SLC26A6: variants seen among roughly 807,000 people sequenced by gnomAD.
The protein encoded by SLC26A6 is anion exchange transporter.
In SLC26A6, 67 loss-of-function variants were observed where a neutral mutation model predicts 87.1. The observed-to-expected ratio is 0.77, with a 90% CI of 0.63 to 0.94. The LOEUF is 0.94. Ranked by LOEUF, SLC26A6 falls within the 40% of genes least tolerant of loss-of-function variation. The probability of loss-of-function intolerance (pLI) is 0.00; values close to 1 mark genes in which losing one functional copy is unlikely to be tolerated. For missense variants in SLC26A6, 902 were observed against 973.0 expected, an observed-to-expected ratio of 0.93 and a Z score of 0.97; for synonymous variants, 414 against 405.9, an observed-to-expected ratio of 1.02 and a Z score of -0.24.
Position 48,627,950 on chromosome 3 carries a change from A to G in SLC26A6, c.1889T>C (p.Met630Thr). 1 of 1,586,806 alleles carries G rather than the reference A, an allele frequency of 6.3e-7. No individual in the cohort carries two copies. The highest frequency in any genetic ancestry group is 8.5e-7 in the Non-Finnish European group (1 of 1,171,354). Residue 630 changes from methionine to threonine, a missense_variant, in exon 17 of 21, where the codon ATG becomes ACG. Met to Thr is a moderately conservative substitution (Grantham distance 81). Around this residue, in one of 3 missense-constraint regions of SLC26A6, gnomAD observed 800 missense variants for 856.8 expected, o/e 0.93. Coordinates refer to ENST00000395550, the MANE Select transcript of SLC26A6 (RefSeq NM_022911.3). Reference sequence around the variant, plus strand: ...CTTTCCCACCTCCAGTCTCACCATCATCTTGCAGTCCTCAACGTTGTTGCT... The same window carrying G: ...CTTTCCCACCTCCAGTCTCACCATCGTCTTGCAGTCCTCAACGTTGTTGCT... ...MRSNNVEDCK[M>T]MQVSSGDKME... is the part of the protein sequence containing the mutation.
intron 14 of SLC26A6, among the ~76,000 whole-genome samples, chr3:48,629,035 A>T (rs568415438): frequency 6.6e-6 from 1 of 152,100 alleles, no homozygotes; most frequent in Non-Finnish European, 1.5e-5. Flanking sequence ...CTAGGCTGTC[A>T]TATCAATCAG....
Position 48,629,694 on chromosome 3 carries a change from A to G in SLC26A6, c.1547T>C (p.Leu516Pro). 6.2e-7 allele frequency: 1 copy of G among 1,613,566 alleles called. No homozygotes were observed. Among genetic ancestry groups the G allele is most frequent in the Non-Finnish European group, 8.5e-7 (1 of 1,179,732 alleles). The change falls in exon 14 of 21, where the codon CTG becomes CCG. Residue 516 changes from leucine to proline, a missense_variant. Coordinates refer to ENST00000395550, the MANE Select transcript of SLC26A6 (RefSeq NM_022911.3). ...AATATCCGTGTCTGGCACCTGCCCC[A>G]GGACAGAGTAGTGGGGCCTGTGAAG... ...VRTQMPHYSV[L>P]GQVPDTDIYR...
At position 48,625,932 on chromosome 3, in the gene SLC26A6, C is replaced by T; in HGVS notation, c.*54G>A. 1 of 1,612,846 alleles carries T rather than the reference C, an allele frequency of 6.2e-7. No homozygotes were observed. The highest frequency in any genetic ancestry group is 8.5e-7 in the Non-Finnish European group (1 of 1,179,662). On this transcript the variant is annotated 3_prime_UTR_variant, in exon 21 of 21. Coordinates refer to ENST00000395550, the MANE Select transcript of SLC26A6 (RefSeq NM_022911.3). This position sits in a 1 kb window ranked among gnomAD's most constrained non-coding sequence, Gnocchi z 4.7. Reference sequence around the variant, plus strand: ...GAGGCGGCCTAGGGGTGAGGGGCTTCTCAAGGGTGCCCTGCACCTCCAGAG... The same window carrying T: ...GAGGCGGCCTAGGGGTGAGGGGCTTTTCAAGGGTGCCCTGCACCTCCAGAG...
Position 48,632,991 on chromosome 3 carries a change from G to C in SLC26A6, c.416C>G (p.Ser139Cys). 6.2e-7 allele frequency: 1 copy of C among 1,613,460 alleles called. No individual in the cohort carries two copies. The highest frequency in any genetic ancestry group is 8.5e-7 in the Non-Finnish European group (1 of 1,179,888). ...CCACTTACCCACGGAGATGTGCCGG[G>C]AAGTGCCAAACAGGAAGTAGATGAA... ...PVFIYFLFGT[S>C]RHISVGTFAV... The change falls in exon 4 of 21, where the codon TCC becomes TGC. Residue 139 changes from serine (S) to cysteine (C), a missense_variant. This residue lies in a region of SLC26A6 where 800 missense variants were observed against 856.8 expected (regional missense o/e 0.93). Coordinates refer to ENST00000395550, the MANE Select transcript of SLC26A6 (RefSeq NM_022911.3).
intron 5 of SLC26A6, 61 bp from the exon 6 acceptor site, chr3:48,632,105 G>A (rs776753504): frequency 2.5e-6 from 4 of 1,602,572 alleles, no homozygotes; most frequent in African/African-American, 1.3e-5. Context: ...AATGAGGAGC[G>A]CAGGGCAAGT....
chr3:48,631,906 G>A lies in SLC26A6; in HGVS notation c.724C>T (p.His242Tyr). 1 of 1,613,554 alleles carries A rather than the reference G, an allele frequency of 6.2e-7. No homozygotes were observed. Among genetic ancestry groups the A allele is most frequent in the Non-Finnish European group, 8.5e-7 (1 of 1,180,030 alleles). Residue 242 changes from histidine to tyrosine, a missense_variant, in exon 6 of 21, where the codon CAC (histidine) becomes TAC (tyrosine). Around this residue, in one of 3 missense-constraint regions of SLC26A6, gnomAD observed 800 missense variants for 856.8 expected, o/e 0.93. Coordinates refer to ENST00000395550, the MANE Select transcript of SLC26A6 (RefSeq NM_022911.3). ...KYVFGLHLSS[H>Y]SGPLSLIYTV... ...TAGATGAGGGACAGTGGCCCAGAGT[G>A]GCTGCTCAGATGGAGGCCAAACACA... is the stretch of plus-strand genomic sequence containing the variant.
At chr3:48,630,878 C>G in intron 9 of SLC26A6, 115 bp downstream of exon 9, 1 of 1,543,138 alleles carries the variant, frequency 6.5e-7, no homozygotes, top group Non-Finnish European at 8.8e-7. Context: ...CCCTCAGTCC[C>G]CCACGTGGCC....
chr3:48,633,166 A>G, intron 3 of SLC26A6, 82 bp from the exon 4 acceptor site: 1 of 1,585,290 alleles, frequency 6.3e-7, no homozygotes, highest in African/African-American at 1.3e-5. Flanking sequence ...GTTAGGTGCC[A>G]TAGTTCCAAG....
chr3:48,627,840 C>T (rs2046668495), intron 17 of SLC26A6, 106 bp downstream of exon 17: 3 of 1,074,486 alleles, frequency 2.8e-6, no homozygotes, highest in Non-Finnish European at 3.9e-6. Flanking sequence ...CGGCGCAACA[C>T]CCTCGAGCCC....
In SLC26A6 at chr3:48,628,670, G is replaced by T; in HGVS notation, c.1644C>A (p.Thr548=). 1 of 1,613,562 alleles carries T rather than the reference G, an allele frequency of 6.2e-7. No homozygotes were observed. The highest frequency in any genetic ancestry group is 1.3e-5 in the African/African-American group (1 of 75,016). ...AGAACTCAGCATTGGCAAAGTACAC[G>T]GTGGCCGAGGAGCGGAAGACCTTCA... ...RGVKVFRSSA[T]VYFANAEFYS... The change falls in exon 15 of 21, where the codon ACC becomes ACA. Residue 548 remains threonine, a synonymous_variant. Coordinates refer to ENST00000395550, the MANE Select transcript of SLC26A6 (RefSeq NM_022911.3). This position sits in a 1 kb window ranked among gnomAD's most constrained non-coding sequence, Gnocchi z 4.4.
rs761009853 is a variant in SLC26A6 at position 48,632,407 on chromosome 3, G to C, written c.434-11C>G. 2 of 1,599,314 alleles carry C rather than the reference G, an allele frequency of 1.3e-6. No individual in the cohort carries two copies. Among genetic ancestry groups the C allele is most frequent in the East Asian group, 4.5e-5 (2 of 44,650 alleles). ...TGACAGCAAAGGTCCCTGTAAGGAC[G>C]GCACGGGGCAGGTCTGAAGAGGAGA... is the stretch of plus-strand genomic sequence containing the variant. On this transcript the variant is annotated splice_polypyrimidine_tract_variant and intron_variant, in intron 4 of 20. Coordinates refer to ENST00000395550, the MANE Select transcript of SLC26A6 (RefSeq NM_022911.3).
Position 48,628,127 on chromosome 3 carries a change from T to TGG in SLC26A6, c.1801-91_1801-90dup. On this transcript the variant is annotated intron_variant, in intron 16 of 20. Coordinates refer to ENST00000395550, the MANE Select transcript of SLC26A6 (RefSeq NM_022911.3). This position sits in a 1 kb window ranked among gnomAD's most constrained non-coding sequence, Gnocchi z 4.4. ...TAGGCCTGGTGATGCCCCCTGGTGCTGGGCAGGTGGGTGGGCCAGGACCAG... is the reference window on the plus strand; with the variant it reads ...TAGGCCTGGTGATGCCCCCTGGTGCTGGGGGCAGGTGGGTGGGCCAGGACCAG... 1 of 1,271,652 alleles carries TGG rather than the reference T, an allele frequency of 7.9e-7. No individual in the cohort carries two copies. The highest frequency in any genetic ancestry group is 1.1e-6 in the Non-Finnish European group (1 of 919,066). The allele number at this position is 1,271,652 out of a possible 1,614,324, so 78.8% of individuals were successfully genotyped here.
Position 48,630,516 on chromosome 3 carries a change from C to G in SLC26A6, c.1249-1G>C. 6.4e-7 allele frequency: 1 copy of G among 1,560,344 alleles called. No homozygotes were observed. The highest frequency in any genetic ancestry group is 2.4e-5 in the East Asian group (1 of 41,454). ...AAAGGGAAGAGATGGCTCCAGCAAC[C>G]TGTTCGGGGAGGGAGTGAGCAGGGG... On this transcript the variant is annotated splice_acceptor_variant, in intron 10 of 20. Transcript: ENST00000395550. LOFTEE classifies it high-confidence loss of function.
chr3:48,631,469 G>C, intron 7 of SLC26A6, 163 bp from the exon 8 acceptor site: 1 of 1,096,548 alleles, frequency 9.1e-7, no homozygotes, highest in Non-Finnish European at 1.3e-6. Flanking sequence ...CGGCTATGGG[G>C]AGATGCTGTC....
chr3:48,630,574 A>G (rs1201860144), intron 10 of SLC26A6, 33 bp downstream of exon 10: 2 of 1,561,548 alleles, frequency 1.3e-6, no homozygotes, highest in Non-Finnish European at 8.7e-7. Flanking sequence ...AGCAATGTGC[A>G]TGCCCACACC....
At chr3:48,632,642 C>G in intron 4 of SLC26A6, 1 of 700,088 alleles carries the variant, frequency 1.4e-6, no homozygotes, top group South Asian at 1.5e-5. Context: ...CCACCTGTGT[C>G]TACTGGTCCC....
At chr3:48,629,487 G>A (rs1000179564) in intron 14 of SLC26A6, among the ~76,000 whole-genome samples, 155 bp downstream of exon 14, 4 of 152,254 alleles carry the variant, frequency 2.6e-5, no homozygotes, top group East Asian at 3.9e-4. Flanking sequence ...TCTAGAGGGG[G>A]TCATAGACCT....
rs1260935993 is a variant in SLC26A6, at chr3:48,633,011, G to A, written c.396C>T (p.Ile132=). The change falls in exon 4 of 21, where the codon ATC becomes ATT. Residue 132 remains isoleucine, a synonymous_variant. Coordinates refer to ENST00000395550, the MANE Select transcript of SLC26A6 (RefSeq NM_022911.3). Reference sequence around the variant, plus strand: ...GCCGGGAAGTGCCAAACAGGAAGTAGATGAAGACAGGGTAGAAGGAGCTAT... The same window carrying A: ...GCCGGGAAGTGCCAAACAGGAAGTAAATGAAGACAGGGTAGAAGGAGCTAT... ...GLYSSFYPVF[I]YFLFGTSRHI... 6.2e-7 allele frequency: 1 copy of A among 1,613,716 alleles called. No homozygotes were observed. The highest frequency in any genetic ancestry group is 1.1e-5 in the South Asian group (1 of 90,946).
intron 7 of SLC26A6, 95 bp from the exon 8 acceptor site, chr3:48,631,401 A>G: frequency 7.3e-7 from 1 of 1,368,558 alleles, no homozygotes; most frequent in Non-Finnish European, 9.7e-7. Flanking sequence ...ATACTGGGCA[A>G]AACCTTCTTC....
Sources: gnomAD v4.1 joint callset for allele counts (sites outside exome capture counted in the v4.1 genomes callset) on GRCh38, gnomAD v4.1.1 for gene constraint, gnomAD v4.1.1 regional missense constraint, Gnocchi (gnomAD v3.1) non-coding constraint, MANE v1.5 for transcripts, NCBI Gene and HGNC (gene_info 2026-07-23, HGNC 2026-07-21) for gene names.